PVT1: variants seen among roughly 807,000 people sequenced by gnomAD.
PVT1 encodes Pvt1 oncogene, also known as CXCR4/PVT1 fusion.
At chr8:128,017,030 G>A (rs1430298190) in intron 4 of PVT1, among the ~76,000 whole-genome samples, 1 of 152,182 alleles carries the variant, frequency 6.6e-6, no homozygotes, top group African/African-American at 2.4e-5. Context: ...AAAAGAAAAA[G>A]AAAAGTTTCC....
chr8:127,943,883 C>T (rs1816385100), intron 3 of PVT1, among the ~76,000 whole-genome samples: 2 of 152,172 alleles, frequency 1.3e-5, no homozygotes, highest in African/African-American at 4.8e-5. Flanking sequence ...GATGAGCGTT[C>T]CGTTCCTGGC....
intron 4 of PVT1, among the ~76,000 whole-genome samples, chr8:127,997,546 T>C (rs1817121522): frequency 6.6e-6 from 1 of 152,202 alleles, no homozygotes; most frequent in African/African-American, 2.4e-5. Context: ...GATGTCATGA[T>C]TTTTTACCTG....
chr8:127,992,219 C>T (rs1286750562), intron 4 of PVT1, among the ~76,000 whole-genome samples: 1 of 152,072 alleles, frequency 6.6e-6, no homozygotes. Context: ...AACCCTGTCT[C>T]TATTAAAAAT....
chr8:127,890,135 G>A (rs1281122412), intron 2 of PVT1, among the ~76,000 whole-genome samples: 1 of 152,160 alleles, frequency 6.6e-6, no homozygotes, highest in African/African-American at 2.4e-5. Context: ...GGGTTTTGTG[G>A]TTGTCTTTAA....
At chr8:127,917,997 A>G (rs2129859824) in intron 3 of PVT1, among the ~76,000 whole-genome samples, 1 of 152,378 alleles carries the variant, frequency 6.6e-6, no homozygotes, top group East Asian at 1.9e-4. Flanking sequence ...CTTGCCCCGT[A>G]GCAGATGAAA....
In PVT1 at chr8:127,847,708, A is replaced by G. The variant is rs150106220; in HGVS notation, n.373-42881A>G. 4.1e-3 allele frequency among the ~76,000 whole-genome samples: 623 copies of G among 152,286 alleles called. 3 individuals are homozygous for G. Among genetic ancestry groups the G allele is most frequent in the Middle Eastern group, 0.01 (3 of 294 alleles). On this transcript the variant is annotated intron_variant and non_coding_transcript_variant, in intron 2 of 10. Coordinates refer to ENST00000651587, the Ensembl canonical transcript of PVT1. Reference sequence around the variant, plus strand: ...ATGTATTGTTGACACAAAAAGCACAATGTGGAGCGGGGAGTATGGCATGCC... The same window carrying G: ...ATGTATTGTTGACACAAAAAGCACAGTGTGGAGCGGGGAGTATGGCATGCC...
Position 127,830,460 on chromosome 8 carries a change from G to T in PVT1, n.372+34389G>T, listed in dbSNP as rs1321304617. Among the ~76,000 whole-genome samples the T allele has an allele frequency of 2.0e-5, 3 of 151,916 alleles. No individual in the cohort carries two copies. The East Asian group carries it at 5.8e-4, about 29-fold the overall frequency. ...CTTTATTTCAGGAGAGAGTGATGTG[G>T]CCTGTGTCTTGGTGGTAGCAAAGAA... On this transcript the variant is annotated intron_variant and non_coding_transcript_variant, in intron 2 of 10. Transcript: ENST00000651587.
intron 3 of PVT1, among the ~76,000 whole-genome samples, chr8:127,938,399 G>A (rs1816305493): frequency 6.6e-6 from 1 of 152,136 alleles, no homozygotes. Flanking sequence ...TCAGACAGCT[G>A]TGTCCACGGC....
chr8:128,059,143 C>T (rs1813799381), intron 4 of PVT1, among the ~76,000 whole-genome samples: 1 of 152,110 alleles, frequency 6.6e-6, no homozygotes. Context: ...GTCAGAAAGA[C>T]CTGGATTTAC....
chr8:127,877,139 C>A (rs563640114), intron 2 of PVT1, among the ~76,000 whole-genome samples: 223 of 152,302 alleles, frequency 1.5e-3, no homozygotes, highest in African/African-American at 5.2e-3. Flanking sequence ...CTCCCCAGCG[C>A]CTGAGACAGC....
chr8:128,054,581 T>TAAGGAGAACAGAA (rs1303735644), intron 4 of PVT1, among the ~76,000 whole-genome samples: 3 of 152,218 alleles, frequency 2.0e-5, no homozygotes, highest in African/African-American at 7.2e-5. Flanking sequence ...GCTTCAACTG[T>TAAGGAGAACAGAA]GTCAGTTCTC....
intron 2 of PVT1, among the ~76,000 whole-genome samples, chr8:127,804,623 C>T (rs1814505260): frequency 6.6e-6 from 1 of 150,500 alleles, no homozygotes. Flanking sequence ...TCACTGCAAC[C>T]TCTACCTCCC....
chr8:127,953,010 C>T (rs564392398), intron 3 of PVT1, among the ~76,000 whole-genome samples: 18 of 152,154 alleles, frequency 1.2e-4, no homozygotes, highest in Non-Finnish European at 7.4e-5. Flanking sequence ...GTGATCCGCC[C>T]GCCTTGGCCT....
chr8:127,973,680 GAA>G (rs34973809), intron 3 of PVT1, among the ~76,000 whole-genome samples: 2 of 143,594 alleles, frequency 1.4e-5, no homozygotes, highest in African/African-American at 2.6e-5. Flanking sequence ...TTGCCTTTTT[GAA>G]AAAAAAAAAA....
At chr8:127,988,038 G>A (rs553808171) in intron 3 of PVT1, among the ~76,000 whole-genome samples, 1 of 152,232 alleles carries the variant, frequency 6.6e-6, no homozygotes, top group Non-Finnish European at 1.5e-5. Flanking sequence ...CAGAACCACT[G>A]CAGATCTGTC....
intron 2 of PVT1, among the ~76,000 whole-genome samples, chr8:127,834,402 C>T (rs1050946239): frequency 6.6e-6 from 1 of 152,052 alleles, no homozygotes; most frequent in African/African-American, 2.4e-5. Context: ...TTCCTTATAC[C>T]TTATACAAAA....
chr8:127,828,646 A>T (rs1167486983), intron 2 of PVT1, among the ~76,000 whole-genome samples: 1 of 151,998 alleles, frequency 6.6e-6, no homozygotes, highest in Non-Finnish European at 1.5e-5. Context: ...GGGGAGAGGG[A>T]TGTTGAGGAC....
chr8:127,832,104 C>A (rs1333039692), intron 2 of PVT1, among the ~76,000 whole-genome samples: 1 of 151,914 alleles, frequency 6.6e-6, no homozygotes, highest in Non-Finnish European at 1.5e-5. Flanking sequence ...TTTTTTCAGG[C>A]TGTTTCTTAA....
At chr8:127,811,115 G>A (rs1814590053) in intron 2 of PVT1, among the ~76,000 whole-genome samples, 1 of 152,140 alleles carries the variant, frequency 6.6e-6, no homozygotes, top group African/African-American at 2.4e-5. Context: ...TTATCAGAGA[G>A]ATACTGTTAG....
Sources: gnomAD v4.1 joint callset for allele counts (sites outside exome capture counted in the v4.1 genomes callset) on GRCh38, gnomAD v4.1.1 for gene constraint, MANE v1.5 for transcripts, NCBI Gene and HGNC (gene_info 2026-07-23, HGNC 2026-07-21) for gene names.